GAS2: variants seen among roughly 807,000 people sequenced by gnomAD.
GAS2 encodes growth arrest-specific protein 2.
Under a neutral mutation model 37.5 loss-of-function variants are expected in GAS2, and 20 were observed. The ratio of observed to expected loss-of-function variants is 0.53; its 90% CI spans 0.37 to 0.77. GAS2 has a LOEUF of 0.77. GAS2 is among the 30% of genes least tolerant of loss of function. GAS2 has a pLI of 0.00. For missense variants in GAS2, 336 were observed against 373.4 expected (o/e 0.90, Z 0.82); for synonymous variants, 144 against 132.2 (o/e 1.09, Z -0.61).
chr11:22,782,765 T>C (rs1201252460), intron 7 of GAS2, among the ~76,000 whole-genome samples: 2 of 123,404 alleles, frequency 1.6e-5, no homozygotes, highest in Non-Finnish European at 3.4e-5. Flanking sequence ...GTGATTTTGT[T>C]CTTTTTTTTT....
intron 2 of GAS2, among the ~76,000 whole-genome samples, chr11:22,681,393 G>C (rs1166994759): frequency 6.6e-6 from 1 of 152,064 alleles, no homozygotes; most frequent in Non-Finnish European, 1.5e-5. Context: ...TGATCTACTG[G>C]CAAGTTGTCA....
chr11:22,640,743 T>G (rs1268493054), intron 1 of GAS2, among the ~76,000 whole-genome samples: 1 of 152,156 alleles, frequency 6.6e-6, no homozygotes, highest in East Asian at 1.9e-4. Context: ...ACAAAGCAAG[T>G]GCAAAAGAAA....
chr11:22,790,265 G>A (rs1308596562), intron 7 of GAS2, among the ~76,000 whole-genome samples: 1 of 152,152 alleles, frequency 6.6e-6, no homozygotes, highest in African/African-American at 2.4e-5. Flanking sequence ...CTGGACCACT[G>A]CAATAGCGTT....
chr11:22,797,473 C>T (rs575364977), intron 7 of GAS2, among the ~76,000 whole-genome samples: 102 of 152,160 alleles, frequency 6.7e-4, no homozygotes, highest in African/African-American at 2.3e-3. Flanking sequence ...TTCTCAACAT[C>T]TAGGGCACTA....
intron 4 of GAS2, among the ~76,000 whole-genome samples, chr11:22,726,742 A>G (rs1182839034): frequency 6.6e-6 from 1 of 152,092 alleles, no homozygotes; most frequent in Admixed American, 6.6e-5. Context: ...ATATTTGGAA[A>G]ACAGAGGACC....
At chr11:22,741,576 C>A (rs1853083527) in intron 5 of GAS2, among the ~76,000 whole-genome samples, 1 of 151,600 alleles carries the variant, frequency 6.6e-6, no homozygotes, top group South Asian at 2.1e-4. Flanking sequence ...AATTTATGAT[C>A]ATTTAAAAGA....
chr11:22,641,004 A>AT (rs964840352), intron 1 of GAS2, among the ~76,000 whole-genome samples: 4 of 151,252 alleles, frequency 2.6e-5, no homozygotes, highest in Non-Finnish European at 4.4e-5. Context: ...TGTTTCTTCC[A>AT]TTTTTCCCCC....
intron 1 of GAS2, chr11:22,626,263 C>T (rs1250146619): frequency 4.7e-6 from 1 of 212,374 alleles, no homozygotes; most frequent in Non-Finnish European, 9.8e-6. Context: ...ATTTGAGAAA[C>T]ATGTACTAAA....
At chr11:22,796,698 G>A (rs937286180) in intron 7 of GAS2, among the ~76,000 whole-genome samples, 76 of 152,200 alleles carry the variant, frequency 5.0e-4, no homozygotes, top group African/African-American at 1.8e-3. Context: ...GACTCAAGGG[G>A]ACATCAGTTT....
intron 1 of GAS2, among the ~76,000 whole-genome samples, chr11:22,627,860 GC>G (rs1436599358): frequency 6.6e-6 from 1 of 151,934 alleles, no homozygotes; most frequent in East Asian, 1.9e-4. Context: ...GTTCAGAGGA[GC>G]CTTCAAGGCT....
intron 3 of GAS2, among the ~76,000 whole-genome samples, chr11:22,699,490 T>C (rs190610475): frequency 4.3e-4 from 66 of 152,220 alleles, no homozygotes; most frequent in African/African-American, 1.5e-3. Flanking sequence ...AAAGTGAAAC[T>C]GGATTTGGAG....
At chr11:22,705,158 T>C (rs1177862942) in intron 3 of GAS2, among the ~76,000 whole-genome samples, 5 of 152,160 alleles carry the variant, frequency 3.3e-5, no homozygotes, top group African/African-American at 1.2e-4. Flanking sequence ...GCACTGTTCC[T>C]TGGTGACCTT....
At chr11:22,715,007 A>G (rs1021499895) in intron 3 of GAS2, among the ~76,000 whole-genome samples, 2 of 152,330 alleles carry the variant, frequency 1.3e-5, no homozygotes, top group Admixed American at 1.3e-4. Flanking sequence ...AAGAAATGAC[A>G]AAGATCAGAG....
intron 6 of GAS2, among the ~76,000 whole-genome samples, chr11:22,751,685 C>G (rs1853739457): frequency 1.3e-5 from 2 of 151,998 alleles, no homozygotes; most frequent in South Asian, 4.1e-4. Context: ...CTAGAAGTAG[C>G]TAGGATGATT....
chr11:22,694,278 G>C (rs573915584), intron 3 of GAS2, among the ~76,000 whole-genome samples: 3 of 152,268 alleles, frequency 2.0e-5, no homozygotes, highest in South Asian at 4.1e-4. Context: ...TAGGAGATCT[G>C]ATTGGCCTCT....
intron 1 of GAS2, among the ~76,000 whole-genome samples, chr11:22,636,860 A>T (rs1183145337): frequency 1.4e-5 from 2 of 147,514 alleles, no homozygotes; most frequent in African/African-American, 2.5e-5. Flanking sequence ...ACAAATATAT[A>T]ACATTATTTT....
In GAS2 at chr11:22,632,166, A is replaced by C. The variant is rs151093385; in HGVS notation, c.-21+6353A>C. Among the ~76,000 whole-genome samples the C allele has an allele frequency of 2.8e-3, 428 of 152,142 alleles. 2 individuals are homozygous for C. Among genetic ancestry groups the C allele is most frequent in the African/African-American group, 9.9e-3 (410 of 41,520 alleles). The stretch of plus-strand genomic sequence containing the variant: ...TTTTATTTCTTTGGGGTTGGTTGTA[A>C]CATCTCCATTTTCATTTCTAATTTA... On this transcript the variant is annotated intron_variant, in intron 1 of 5. Coordinates refer to the GAS2 transcript ENST00000528582.
At chr11:22,669,293 G>A (rs1286846286) in intron 1 of GAS2, among the ~76,000 whole-genome samples, 1 of 151,104 alleles carries the variant, frequency 6.6e-6, no homozygotes, top group Non-Finnish European at 1.5e-5. Context: ...ACTGTCAGAT[G>A]GTTTTCTATT....
At chr11:22,713,215 A>T (rs1173887023) in intron 3 of GAS2, among the ~76,000 whole-genome samples, 3 of 151,996 alleles carry the variant, frequency 2.0e-5, no homozygotes, top group African/African-American at 7.2e-5. Context: ...AATGCAAAAT[A>T]CACTGGAAAG....
Sources: allele counts gnomAD v4.1 joint callset (sites outside exome capture counted in the v4.1 genomes callset), GRCh38; gene constraint gnomAD v4.1.1; transcripts MANE v1.5; gene names NCBI Gene and HGNC (gene_info 2026-07-23, HGNC 2026-07-21).